Variants in GSG1L observed in about 807,000 individuals in gnomAD.
The protein encoded by GSG1L is GSG1 like.
In GSG1L, 24 loss-of-function variants were observed where a neutral mutation model predicts 42.1. The ratio of observed to expected loss-of-function variants is 0.57; its 90% CI spans 0.41 to 0.80. The LOEUF (loss-of-function observed/expected upper bound fraction) is 0.80, where lower values mean the gene tolerates loss of function less well. Ranked by LOEUF, GSG1L falls within the 30% of genes least tolerant of loss-of-function variation. The pLI, the probability that GSG1L is intolerant of heterozygous loss-of-function variation, is 0.00. For missense variants in GSG1L, 445 were observed against 472.2 expected (o/e 0.94, Z 0.53); for synonymous variants, 215 against 203.5 (o/e 1.06, Z -0.48).
At position 27,815,977 on chromosome 16, in the gene GSG1L, A is replaced by AATAAATAAATG. The variant is rs2083089503; in HGVS notation, c.831-8434_831-8424dup. 1.3e-5 allele frequency among the ~76,000 whole-genome samples: 2 copies of AATAAATAAATG among 152,184 alleles called. 1 individual carries two copies. Among genetic ancestry groups the AATAAATAAATG allele is most frequent in the South Asian group, 4.1e-4 (2 of 4,826 alleles). On this transcript the variant is annotated intron_variant, in intron 5 of 6. Coordinates refer to ENST00000447459, the MANE Select transcript of GSG1L (RefSeq NM_001109763.2). The stretch of plus-strand genomic sequence containing the variant: ...ACACCCTCTCTCAAATAAATAAAAC[A>AATAAATAAATG]ATAAATAAATGTAAAGCTCAAGCTA...
intron 6 of GSG1L, among the ~76,000 whole-genome samples, chr16:27,794,621 G>A (rs1042132651): frequency 7.2e-5 from 11 of 152,272 alleles, no homozygotes; most frequent in East Asian, 1.9e-4. Flanking sequence ...TTGAGCCACC[G>A]CGCCCGGCCC....
intron 4 of GSG1L, 34 bp downstream of exon 4, chr16:27,844,916 C>T (rs1017791410): frequency 1.7e-6 from 2 of 1,199,112 alleles, no homozygotes; most frequent in African/African-American, 1.6e-5. Context: ...GGCCCTGGTG[C>T]CTGAAGCTGC....
chr16:27,937,648 C>T (rs1036434639), intron 2 of GSG1L, among the ~76,000 whole-genome samples: 4 of 152,340 alleles, frequency 2.6e-5, no homozygotes, highest in Admixed American at 1.3e-4. Context: ...AGGGCGATGA[C>T]TGGGGAGCAC....
At chr16:28,034,594 G>A (rs992956818) in intron 1 of GSG1L, among the ~76,000 whole-genome samples, 2 of 151,770 alleles carry the variant, frequency 1.3e-5, no homozygotes, top group African/African-American at 4.8e-5. Context: ...ATCCTTTGTT[G>A]GACTTGTCAT....
rs1016372062 is a variant in GSG1L, at chr16:27,789,904, T to C, written c.*1466A>G. 9 of 147,346 alleles carry C rather than the reference T, an allele frequency of 6.1e-5. No homozygotes were observed. Among genetic ancestry groups the C allele is most frequent in the Non-Finnish European group, 1.3e-4 (9 of 67,208 alleles). The allele number at this position is 147,346 out of a possible 1,614,324, so 9.1% of individuals were successfully genotyped here. A position where few individuals can be genotyped will look rare whatever the true frequency, so the allele number is the denominator to read the frequency against. ...TGGACTATAGATGGATAATAGATGA[T>C]GAGTGGGTGGATAATGGATTAATGA... On this transcript the variant is annotated 3_prime_UTR_variant, in exon 7 of 7. Coordinates refer to ENST00000447459, the MANE Select transcript of GSG1L (RefSeq NM_001109763.2).
At position 27,913,700 on chromosome 16, in the gene GSG1L, A is replaced by G. The variant is rs552434011; in HGVS notation, c.398-29062T>C. Among the ~76,000 whole-genome samples the G allele has an allele frequency of 5.3e-5, 8 of 152,352 alleles. No homozygotes were observed. The South Asian group carries it at 8.3e-4, about 16-fold the overall frequency. Reference sequence around the variant, plus strand: ...CTTTCATATAACAATGGCAGAGGTGAGTAACCACAATAGAGACTGTGTGGT... The same window carrying G: ...CTTTCATATAACAATGGCAGAGGTGGGTAACCACAATAGAGACTGTGTGGT... On this transcript the variant is annotated intron_variant, in intron 2 of 6. Coordinates refer to ENST00000447459, the MANE Select transcript of GSG1L (RefSeq NM_001109763.2).
intron 1 of GSG1L, among the ~76,000 whole-genome samples, chr16:28,036,188 C>T (rs2086033798): frequency 6.6e-6 from 1 of 152,150 alleles, no homozygotes; most frequent in Non-Finnish European, 1.5e-5. Context: ...AGAGTAGACT[C>T]GCCTGGCTCC....
At chr16:27,993,424 C>T (rs565647146) in intron 1 of GSG1L, among the ~76,000 whole-genome samples, 5 of 152,308 alleles carry the variant, frequency 3.3e-5, no homozygotes, top group East Asian at 1.9e-4. Context: ...GCAAGAGCCA[C>T]CGCACCTGGC....
At chr16:28,003,088 A>G (rs12922026) in intron 1 of GSG1L, among the ~76,000 whole-genome samples, 36,614 of 152,186 alleles carry the variant, frequency 0.24, 4,753 homozygotes, top group South Asian at 0.37. Context: ...GAGTCCTGGG[A>G]CAATGGGAGA....
chr16:27,857,427 CA>C (rs11401928), intron 3 of GSG1L, among the ~76,000 whole-genome samples: 13,233 of 124,722 alleles, frequency 0.11, 593 homozygotes, highest in African/African-American at 0.11. Context: ...GACTACATCT[CA>C]AAAAAAAAAA....
intron 2 of GSG1L, among the ~76,000 whole-genome samples, chr16:27,935,377 G>A (rs1055572335): frequency 2.6e-5 from 4 of 152,174 alleles, no homozygotes; most frequent in African/African-American, 9.7e-5. Flanking sequence ...TTTTATTTCT[G>A]ATGCCAAGTG....
intron 1 of GSG1L, among the ~76,000 whole-genome samples, chr16:27,987,036 G>A (rs1360398942): frequency 6.6e-6 from 1 of 152,156 alleles, no homozygotes; most frequent in East Asian, 1.9e-4. Context: ...GGCCAACATG[G>A]TGAAACCCCG....
intron 2 of GSG1L, among the ~76,000 whole-genome samples, chr16:27,897,311 C>CT (rs763670012): frequency 1.3e-5 from 2 of 150,828 alleles, no homozygotes; most frequent in Non-Finnish European, 3.0e-5. Flanking sequence ...TTTCTTCTTC[C>CT]TTTTTGAGAC....
At chr16:27,841,204 C>CGAGGT (rs2083377597) in intron 4 of GSG1L, among the ~76,000 whole-genome samples, 2 of 152,126 alleles carry the variant, frequency 1.3e-5, no homozygotes, top group Non-Finnish European at 2.9e-5. Context: ...GTGACTTGGC[C>CGAGGT]AAGGTCCCCG....
At position 27,788,676 on chromosome 16, in the gene GSG1L, A is replaced by T. The variant is rs2082718765; in HGVS notation, c.*2694T>A. The T allele has an allele frequency of 6.6e-6, 1 of 152,238 alleles. No homozygotes were observed. Among genetic ancestry groups the T allele is most frequent in the Admixed American group, 6.5e-5 (1 of 15,272 alleles). The allele number at this position is 152,238 out of a possible 1,614,324, so 9.4% of individuals were successfully genotyped here. On this transcript the variant is annotated 3_prime_UTR_variant, in exon 7 of 7. Transcript: ENST00000447459. Reference sequence around the variant, plus strand: ...CATTTTCTCAAAGGAGCCTCCCTAGACTACAGCTCCCACAGCCCCGATTTC... The same window carrying T: ...CATTTTCTCAAAGGAGCCTCCCTAGTCTACAGCTCCCACAGCCCCGATTTC...
intron 1 of GSG1L, among the ~76,000 whole-genome samples, chr16:28,007,454 G>C (rs1369253054): frequency 2.0e-5 from 3 of 152,140 alleles, no homozygotes; most frequent in Non-Finnish European, 4.4e-5. Flanking sequence ...AGAACTGTGG[G>C]AGAATAAATG....
intron 4 of GSG1L, among the ~76,000 whole-genome samples, chr16:27,830,080 G>A (rs1378643196): frequency 3.9e-5 from 6 of 151,920 alleles, no homozygotes; most frequent in African/African-American, 1.5e-4. Flanking sequence ...GGGGTAGAGC[G>A]AGGAGACTCA....
At chr16:27,848,938 G>A (rs1054598568) in intron 3 of GSG1L, among the ~76,000 whole-genome samples, 48 of 152,200 alleles carry the variant, frequency 3.2e-4, no homozygotes, top group Admixed American at 5.2e-4. Flanking sequence ...GCTCACGCCT[G>A]TAATCCCAGC....
intron 3 of GSG1L, among the ~76,000 whole-genome samples, chr16:27,857,454 G>A (rs897566958): frequency 5.3e-5 from 8 of 151,068 alleles, no homozygotes; most frequent in Admixed American, 3.3e-4. Context: ...AAAGAAAGGC[G>A]TGGGGGGCCA....
Sources: allele counts gnomAD v4.1 joint callset (sites outside exome capture counted in the v4.1 genomes callset), GRCh38; gene constraint gnomAD v4.1.1; transcripts MANE v1.5; gene names NCBI Gene and HGNC (gene_info 2026-07-23, HGNC 2026-07-21).